USP8: variants seen among roughly 807,000 people sequenced by gnomAD.
The protein encoded by USP8 is ubiquitin carboxyl-terminal hydrolase 8.
USP8 carries 27 observed loss-of-function variants against 130.0 expected under a neutral mutation model. The ratio of observed to expected loss-of-function variants is 0.21; its 90% CI spans 0.15 to 0.29. The LOEUF (loss-of-function observed/expected upper bound fraction) is 0.29, where lower values mean the gene tolerates loss of function less well. USP8 is among the 10% of genes least tolerant of loss of function. USP8 has a pLI of 1.00. For synonymous variants in USP8, 392 were observed against 444.1 expected (o/e 0.88, Z 1.48); for missense variants, 1,029 against 1,312.2 (o/e 0.78, Z 3.33).
At position 50,500,976 on chromosome 15, in the gene USP8, C is replaced by T. The variant is rs2052574805; in HGVS notation, c.*1888C>T. ...GGAAGTGATAATTTTGTTGTTAAAT[C>T]ATGCATATAGCCTGACTGCTATATT... On this transcript the variant is annotated 3_prime_UTR_variant, in exon 20 of 20. Coordinates refer to ENST00000307179, the MANE Select transcript of USP8 (RefSeq NM_005154.5). 5.6e-6 allele frequency: 4 copies of T among 713,042 alleles called. No homozygotes were observed. The highest frequency in any genetic ancestry group is 9.6e-6 in the Non-Finnish European group (4 of 417,796). 44.2% of individuals were successfully genotyped at this position (713,042 alleles called of 1,614,324 possible).
chr15:50,502,740 C>T lies in USP8; in HGVS notation c.*3652C>T, dbSNP rs2052609188. ...CATGAATTCCTAGGCACAAGCAGTC[C>T]TCTCACTTCAGGCCCCCAAATAGCT... On this transcript the variant is annotated 3_prime_UTR_variant, in exon 20 of 20. Transcript: ENST00000307179. 6.6e-6 allele frequency: 1 copy of T among 152,262 alleles called. No individual in the cohort carries two copies. Among genetic ancestry groups the T allele is most frequent in the Non-Finnish European group, 1.5e-5 (1 of 68,106 alleles). The allele number at this position is 152,262 out of a possible 1,614,324, so 9.4% of individuals were successfully genotyped here.
intron 11 of USP8, among the ~76,000 whole-genome samples, chr15:50,483,985 G>C (rs1311682849): frequency 6.6e-6 from 1 of 151,826 alleles, no homozygotes; most frequent in African/African-American, 2.4e-5. Flanking sequence ...ATTAGGTCAT[G>C]GTGAATATAC....
Position 50,499,145 on chromosome 15 carries a change from A to C in USP8, c.*57A>C. On this transcript the variant is annotated 3_prime_UTR_variant, in exon 20 of 20. Transcript: ENST00000307179. ...AAAAGGCTCAGCAACACAACTCTTG[A>C]AATGCTTATCAGGATAATGGTAGCT... The C allele has an allele frequency of 1.3e-6, 2 of 1,492,192 alleles. No homozygotes were observed. Among genetic ancestry groups the C allele is most frequent in the Non-Finnish European group, 1.8e-6 (2 of 1,114,932 alleles). 92.4% of individuals were successfully genotyped at this position (1,492,192 alleles called of 1,614,324 possible). A position where few individuals can be genotyped will look rare whatever the true frequency, so the allele number is the denominator to read the frequency against.
chr15:50,498,168 A>G (rs1363104119), intron 18 of USP8: 1 of 155,024 alleles, frequency 6.5e-6, no homozygotes, highest in African/African-American at 2.4e-5. Context: ...TAATGGAATG[A>G]ATGACATTAT....
chr15:50,472,870 A>G (rs1042800722), intron 8 of USP8, among the ~76,000 whole-genome samples: 7 of 152,318 alleles, frequency 4.6e-5, no homozygotes, highest in African/African-American at 1.4e-4. Flanking sequence ...AGATCACACC[A>G]TTGCACTCCA....
chr15:50,449,896 T>C (rs1162373013), intron 4 of USP8, among the ~76,000 whole-genome samples: 2 of 135,318 alleles, frequency 1.5e-5, no homozygotes, highest in African/African-American at 2.9e-5. Context: ...ATTTCTTTTT[T>C]TTTTTTTTTT....
Position 50,503,676 on chromosome 15 carries a change from T to C in USP8, c.*4588T>C, listed in dbSNP as rs1359015135. 6.6e-6 allele frequency: 1 copy of C among 152,232 alleles called. No homozygotes were observed. Among genetic ancestry groups the C allele is most frequent in the African/African-American group, 2.4e-5 (1 of 41,466 alleles). 9.4% of individuals were successfully genotyped at this position (152,232 alleles called of 1,614,324 possible). A position where few individuals can be genotyped will look rare whatever the true frequency, so the allele number is the denominator to read the frequency against. On this transcript the variant is annotated 3_prime_UTR_variant, in exon 20 of 20. Transcript: ENST00000307179. Reference sequence around the variant, plus strand: ...TTCACCAGTTTGGGATTCAAATTTATACTACCTGTGTGGTCTGCGAATCCT... The same window carrying C: ...TTCACCAGTTTGGGATTCAAATTTACACTACCTGTGTGGTCTGCGAATCCT...
rs769898763 is a variant in USP8, at chr15:50,462,313, A to C, written c.532A>C (p.Lys178Gln). The change falls in exon 6 of 20, where the codon AAA (lysine) becomes CAA (glutamine). Residue 178 changes from lysine to glutamine, a missense_variant. Lys to Gln is a moderately conservative substitution (Grantham distance 53). Around this residue, in one of 4 missense-constraint regions of USP8, gnomAD observed 281 missense variants for 336.7 expected, o/e 0.83. Coordinates refer to ENST00000307179, the MANE Select transcript of USP8 (RefSeq NM_005154.5). ...TGAAAAGAATGAAAAATGTGAGACC[A>C]AAGAGAAAGGTAAGTGTGTACAGAA... ...NGEKNEKCET[K>Q]EKGAITAKEL... is the part of the protein sequence containing the mutation. The C allele has an allele frequency of 1.2e-6, 2 of 1,602,498 alleles. No individual in the cohort carries two copies. The highest frequency in any genetic ancestry group is 2.2e-5 in the East Asian group (1 of 44,562).
chr15:50,450,407 C>T (rs1186932498), intron 4 of USP8, among the ~76,000 whole-genome samples: 1 of 140,324 alleles, frequency 7.1e-6, no homozygotes, highest in Non-Finnish European at 1.5e-5. Context: ...ACCAGGTTTA[C>T]AAAAATAATT....
chr15:50,457,008 TCTC>T (rs1309474404), intron 4 of USP8, among the ~76,000 whole-genome samples: 1 of 152,232 alleles, frequency 6.6e-6, no homozygotes, highest in Non-Finnish European at 1.5e-5. Context: ...GCTAATTTCT[TCTC>T]CAAGAGCTAA....
At chr15:50,435,215 T>G (rs945489749) in intron 1 of USP8, among the ~76,000 whole-genome samples, 4 of 152,188 alleles carry the variant, frequency 2.6e-5, no homozygotes, top group African/African-American at 7.2e-5. Context: ...TCACATAGAT[T>G]GAGGTTGGAT....
At position 50,424,460 on chromosome 15, in the gene USP8, G is replaced by T; in HGVS notation, c.-120G>T. 1 of 398,736 alleles carries T rather than the reference G, an allele frequency of 2.5e-6. No individual in the cohort carries two copies. The highest frequency in any genetic ancestry group is 4.4e-6 in the Non-Finnish European group (1 of 226,120). The allele number at this position is 398,736 out of a possible 1,614,324, so 24.7% of individuals were successfully genotyped here. A position where few individuals can be genotyped will look rare whatever the true frequency, so the allele number is the denominator to read the frequency against. On this transcript the variant is annotated 5_prime_UTR_variant, in exon 1 of 20. Coordinates refer to ENST00000307179, the MANE Select transcript of USP8 (RefSeq NM_005154.5). ...AGGCTAATTCTCCCTCGAGTTCTTG[G>T]GAGATGGGCATTTGGCGAGAAGGCT... is the stretch of plus-strand genomic sequence containing the variant.
At chr15:50,468,153 C>G (rs1206908451) in intron 7 of USP8, among the ~76,000 whole-genome samples, 2 of 151,344 alleles carry the variant, frequency 1.3e-5, no homozygotes, top group Non-Finnish European at 2.9e-5. Context: ...CCAGGCTGGT[C>G]TCGAACTCCT....
chr15:50,460,952 T>C (rs2050975560), intron 5 of USP8, among the ~76,000 whole-genome samples: 1 of 151,262 alleles, frequency 6.6e-6, no homozygotes, highest in Non-Finnish European at 1.5e-5. Flanking sequence ...AGTCCAGGAA[T>C]TTGAGACCAG....
intron 1 of USP8, among the ~76,000 whole-genome samples, chr15:50,437,124 CGTT>C (rs1197816182): frequency 6.6e-6 from 1 of 152,166 alleles, no homozygotes; most frequent in East Asian, 1.9e-4. Context: ...CTCACGTTTG[CGTT>C]GTTATGCTCA....
At chr15:50,464,001 CCTTCTGG>C (rs1361130606) in intron 6 of USP8, among the ~76,000 whole-genome samples, 3 of 151,980 alleles carry the variant, frequency 2.0e-5, no homozygotes, top group African/African-American at 7.2e-5. Context: ...AATCTTTTTT[CCTTCTGG>C]CTGGGAGCTA....
Position 50,490,535 on chromosome 15 carries a change from T to A in USP8, c.2234+10T>A, listed in dbSNP as rs763729800. On this transcript the variant is annotated intron_variant, in intron 14 of 19. Coordinates refer to ENST00000307179, the MANE Select transcript of USP8 (RefSeq NM_005154.5). The stretch of plus-strand genomic sequence containing the variant: ...TTAATCGGGAAAACAAGTATGTTTA[T>A]CTTAACTCCTAGAACTAAAATAATG... The A allele has an allele frequency of 1.2e-6, 2 of 1,611,936 alleles. No homozygotes were observed. The highest frequency in any genetic ancestry group is 3.4e-5 in the Admixed American group (2 of 59,674).
In USP8 at chr15:50,507,418, G is replaced by C. The variant is rs1321413980; in HGVS notation, c.*8330G>C. 1 of 152,232 alleles carries C rather than the reference G, an allele frequency of 6.6e-6. No homozygotes were observed. The highest frequency in any genetic ancestry group is 1.5e-5 in the Non-Finnish European group (1 of 68,060). 9.4% of individuals were successfully genotyped at this position (152,232 alleles called of 1,614,324 possible). A position where few individuals can be genotyped will look rare whatever the true frequency, so the allele number is the denominator to read the frequency against. On this transcript the variant is annotated 3_prime_UTR_variant, in exon 20 of 20. Coordinates refer to ENST00000307179, the MANE Select transcript of USP8 (RefSeq NM_005154.5). Reference sequence around the variant, plus strand: ...GATTTTGGAGCATTTTGGATTTTCAGATTAGGGATGCTCAACTTGTCGTAG... The same window carrying C: ...GATTTTGGAGCATTTTGGATTTTCACATTAGGGATGCTCAACTTGTCGTAG...
intron 18 of USP8, 39 bp from the exon 19 acceptor site, chr15:50,498,557 C>G (rs2052501843): frequency 6.4e-7 from 1 of 1,555,444 alleles, no homozygotes. Context: ...ATCCTGGTAT[C>G]TTCCTCTGTC....
Sources: gnomAD v4.1 joint callset for allele counts (sites outside exome capture counted in the v4.1 genomes callset) on GRCh38, gnomAD v4.1.1 for gene constraint, gnomAD v4.1.1 regional missense constraint, MANE v1.5 for transcripts, NCBI Gene and HGNC (gene_info 2026-07-23, HGNC 2026-07-21) for gene names.